The following HPSE2 variants were observed in gnomAD, a reference collection of about 807,000 sequenced individuals.
HPSE2 encodes the protein inactive heparanase-2.
A neutral mutation model predicts 60.5 loss-of-function variants in HPSE2; 38 were observed. The observed-to-expected ratio is 0.63, with a 90% confidence interval of 0.48 to 0.82. The LOEUF (loss-of-function observed/expected upper bound fraction) is 0.82, where lower values mean the gene tolerates loss of function less well. Ranked by LOEUF, HPSE2 falls within the 40% of genes least tolerant of loss-of-function variation. The probability of loss-of-function intolerance (pLI) is 0.00; values close to 1 mark genes in which losing one functional copy is unlikely to be tolerated. For synonymous variants in HPSE2, 295 were observed against 293.2 expected, an observed-to-expected ratio of 1.01 and a Z score of -0.06; for missense variants, 713 against 740.4, an observed-to-expected ratio of 0.96 and a Z score of 0.43.
At chr10:99,182,217 C>G (rs1430267098) in intron 2 of HPSE2, among the ~76,000 whole-genome samples, 1 of 152,146 alleles carries the variant, frequency 6.6e-6, no homozygotes, top group Non-Finnish European at 1.5e-5. Context: ...AGCGATTTTC[C>G]TCAACTCCTC....
At chr10:99,179,079 C>T (rs976186317) in intron 2 of HPSE2, among the ~76,000 whole-genome samples, 5 of 152,244 alleles carry the variant, frequency 3.3e-5, no homozygotes, top group Middle Eastern at 3.4e-3. Flanking sequence ...CCCCTTCATG[C>T]TAAAATCTCT....
intron 3 of HPSE2, among the ~76,000 whole-genome samples, chr10:99,066,777 C>T (rs1276027535): frequency 6.6e-6 from 1 of 152,064 alleles, no homozygotes; most frequent in African/African-American, 2.4e-5. Context: ...CCTCTGCCCC[C>T]CACTCCCCCG....
intron 3 of HPSE2, among the ~76,000 whole-genome samples, chr10:98,873,261 G>C (rs1309138628): frequency 6.6e-6 from 1 of 151,652 alleles, no homozygotes; most frequent in African/African-American, 2.4e-5. Flanking sequence ...TAATTTCCTG[G>C]ATACATATGC....
chr10:99,307,830 GCGCACACACACA>G, the HPSE2 span, among the ~76,000 whole-genome samples: 16 of 141,012 alleles, frequency 1.1e-4, no homozygotes, highest in South Asian at 2.3e-4. Context: ...CCTAGTAAAT[GCGCACACACACA>G]CACACACACA....
chr10:98,998,830 A>G (rs1344214), intron 3 of HPSE2, among the ~76,000 whole-genome samples: 15,629 of 152,254 alleles, frequency 0.1, 863 homozygotes, highest in South Asian at 0.18. Flanking sequence ...TTCACAAGGC[A>G]TATGAGGCTG....
At chr10:98,739,649 C>T (rs543768186) in intron 4 of HPSE2, among the ~76,000 whole-genome samples, 34 of 151,914 alleles carry the variant, frequency 2.2e-4, no homozygotes, top group African/African-American at 8.0e-4. Flanking sequence ...TAGACAGGCT[C>T]CAGAGAACTG....
At chr10:98,653,522 A>T (rs1946976190) in intron 6 of HPSE2, among the ~76,000 whole-genome samples, 1 of 150,358 alleles carries the variant, frequency 6.7e-6, no homozygotes, top group East Asian at 1.9e-4. Flanking sequence ...TCTTTCTAAA[A>T]CATTTTATGT....
intron 9 of HPSE2, among the ~76,000 whole-genome samples, chr10:98,584,614 T>C (rs1299178008): frequency 2.6e-5 from 4 of 152,210 alleles, no homozygotes; most frequent in Admixed American, 1.3e-4. Flanking sequence ...TCACTAATAC[T>C]AAACCATTAT....
chr10:98,717,645 G>A (rs1054345225), intron 5 of HPSE2, among the ~76,000 whole-genome samples: 5 of 152,006 alleles, frequency 3.3e-5, no homozygotes, highest in African/African-American at 1.2e-4. Flanking sequence ...ACACACATTT[G>A]TTGATTAAGT....
the HPSE2 span, among the ~76,000 whole-genome samples, chr10:99,257,196 T>C: frequency 1.3e-5 from 2 of 152,092 alleles, no homozygotes; most frequent in Non-Finnish European, 2.9e-5. Flanking sequence ...CACAAATTGT[T>C]TGTAGAGCAT....
intron 2 of HPSE2, among the ~76,000 whole-genome samples, chr10:99,185,481 T>C (rs1847969064): frequency 6.6e-6 from 1 of 151,032 alleles, no homozygotes; most frequent in African/African-American, 2.4e-5. Flanking sequence ...TACTGAAAAA[T>C]AGAAGTGGGG....
At chr10:98,725,302 T>C (rs1949042709) in intron 4 of HPSE2, among the ~76,000 whole-genome samples, 1 of 152,032 alleles carries the variant, frequency 6.6e-6, no homozygotes, top group Admixed American at 6.6e-5. Flanking sequence ...TATAGACCAA[T>C]GGAACAGAAC....
chr10:98,660,749 G>C (rs929129745), intron 6 of HPSE2, among the ~76,000 whole-genome samples: 5 of 152,174 alleles, frequency 3.3e-5, no homozygotes, highest in African/African-American at 1.2e-4. Context: ...GGTAGAACCA[G>C]GGACCTTGCA....
chr10:99,033,188 A>G (rs977870997), intron 3 of HPSE2, among the ~76,000 whole-genome samples: 1 of 152,178 alleles, frequency 6.6e-6, no homozygotes, highest in Non-Finnish European at 1.5e-5. Flanking sequence ...TTATTTACAA[A>G]TAGAAAAAGG....
chr10:99,168,200 C>G (rs1847164023), intron 2 of HPSE2, among the ~76,000 whole-genome samples: 1 of 151,830 alleles, frequency 6.6e-6, no homozygotes, highest in African/African-American at 2.4e-5. Flanking sequence ...TTTCATCTTC[C>G]TATCCATGAT....
intron 3 of HPSE2, among the ~76,000 whole-genome samples, chr10:99,031,626 T>C (rs951142564): frequency 6.6e-6 from 1 of 152,142 alleles, no homozygotes; most frequent in Admixed American, 6.5e-5. Flanking sequence ...AATGGAGGTA[T>C]GATTGGAGAG....
chr10:98,661,349 A>G (rs1234747809), intron 6 of HPSE2, among the ~76,000 whole-genome samples: 1 of 152,100 alleles, frequency 6.6e-6, no homozygotes, highest in Non-Finnish European at 1.5e-5. Flanking sequence ...AGTTTATTTA[A>G]TTTTAGTTCC....
chr10:99,232,308 T>C, intron 2 of HPSE2, 40 bp downstream of exon 2: 4 of 1,549,770 alleles, frequency 2.6e-6, no homozygotes, highest in Non-Finnish European at 3.5e-6. Context: ...GGGTGCTTGC[T>C]TCCGCTCCCC....
intron 6 of HPSE2, among the ~76,000 whole-genome samples, chr10:98,657,895 A>C (rs1947118049): frequency 6.6e-6 from 1 of 152,198 alleles, no homozygotes; most frequent in Admixed American, 6.5e-5. Context: ...TTGAAAAATT[A>C]ATATAATCAG....
Sources: allele counts gnomAD v4.1 joint callset (sites outside exome capture counted in the v4.1 genomes callset), GRCh38; gene constraint gnomAD v4.1.1; transcripts MANE v1.5; gene names NCBI Gene and HGNC (gene_info 2026-07-23, HGNC 2026-07-21).